Variants in NFE2L3 observed in about 807,000 individuals in gnomAD.
NFE2L3 encodes the protein NFE2 like bZIP transcription factor 3.
In NFE2L3, 18 loss-of-function variants were observed where a neutral mutation model predicts 23.5. The observed-to-expected ratio is 0.77, with a 90% CI of 0.53 to 1.13. NFE2L3 has a LOEUF of 1.13. NFE2L3 is among the 50% of genes most tolerant of loss of function. The probability of loss-of-function intolerance (pLI) is 0.00; values close to 1 mark genes in which losing one functional copy is unlikely to be tolerated. For missense variants in NFE2L3, 1,152 were observed against 877.2 expected, an observed-to-expected ratio of 1.31 and a Z score of -3.96; for synonymous variants, 424 against 354.5, an observed-to-expected ratio of 1.20 and a Z score of -2.20.
intron 1 of NFE2L3, among the ~76,000 whole-genome samples, chr7:26,176,255 C>T (rs1254897289): frequency 6.6e-6 from 1 of 152,202 alleles, no homozygotes; most frequent in African/African-American, 2.4e-5. Context: ...CCTGTGTCTA[C>T]TTCTTTCTAC....
At position 26,178,073 on chromosome 7, in the gene NFE2L3, C is replaced by T; in HGVS notation, c.701C>T (p.Ala234Val). ...AATGATGATGATGAAAACAAAATAG[C>T]AGAGAAACCTGACTGGGAGGCAGAA... Reference protein sequence around the residue: ...QQNDDDENKIAEKPDWEAEKT... With the variant: ...QQNDDDENKIVEKPDWEAEKT... The change falls in exon 2 of 4, where the codon GCA (alanine) becomes GTA (valine). Residue 234 changes from alanine to valine, a missense_variant. Coordinates refer to ENST00000056233, the MANE Select transcript of NFE2L3 (RefSeq NM_004289.7). 6.8e-6 allele frequency: 11 copies of T among 1,613,960 alleles called. No homozygotes were observed. The highest frequency in any genetic ancestry group is 9.3e-6 in the Non-Finnish European group (11 of 1,179,930).
intron 2 of NFE2L3, 127 bp from the exon 3 acceptor site, chr7:26,183,574 C>A: frequency 1.6e-6 from 1 of 640,426 alleles, no homozygotes; most frequent in Non-Finnish European, 2.8e-6. Context: ...AACTTCCAAC[C>A]AAGGAACATA....
chr7:26,154,145 C>T (rs1383141216), intron 1 of NFE2L3, among the ~76,000 whole-genome samples: 6 of 152,114 alleles, frequency 3.9e-5, no homozygotes, highest in African/African-American at 1.4e-4. Flanking sequence ...CTCGGTGATT[C>T]ACTGTTATGC....
At chr7:26,158,680 T>C (rs1784123943) in intron 1 of NFE2L3, among the ~76,000 whole-genome samples, 1 of 152,206 alleles carries the variant, frequency 6.6e-6, no homozygotes, top group South Asian at 2.1e-4. Context: ...TCTTGTATCA[T>C]TCTCCTTCTT....
In NFE2L3 at chr7:26,186,222, C is replaced by T. The variant is rs1288822122; in HGVS notation, c.*439C>T. 2 of 152,828 alleles carry T rather than the reference C, an allele frequency of 1.3e-5. No individual in the cohort carries two copies. Among genetic ancestry groups the T allele is most frequent in the East Asian group, 1.9e-4 (1 of 5,200 alleles). 9.5% of individuals were successfully genotyped at this position (152,828 alleles called of 1,614,324 possible). On this transcript the variant is annotated 3_prime_UTR_variant, in exon 4 of 4. Coordinates refer to ENST00000056233, the MANE Select transcript of NFE2L3 (RefSeq NM_004289.7). ...AGCACTATAGTGAGCTTTTCAAACA[C>T]TATTTTAATCTTTATATTTAACTTA... is the stretch of plus-strand genomic sequence containing the variant.
chr7:26,158,590 A>G (rs1784122551), intron 1 of NFE2L3, among the ~76,000 whole-genome samples: 1 of 152,190 alleles, frequency 6.6e-6, no homozygotes, highest in South Asian at 2.1e-4. Context: ...AACCCTGAGG[A>G]AGCTTGGCTC....
chr7:26,185,579 T>C lies in NFE2L3; in HGVS notation c.1881T>C (p.Cys627=), dbSNP rs769164445. The C allele has an allele frequency of 2.5e-6, 4 of 1,613,818 alleles. No homozygotes were observed. In the East Asian group the frequency reaches 6.7e-5, roughly 27 times the overall value. ...CTCTTAAGAGAGAGCAAGCACAATG[T>C]AACAAAGCTATTAACATAATGAAAC... ...KETLKREQAQ[C]NKAINIMKQK... is the part of the protein sequence containing the mutation. Residue 627 remains cysteine, a synonymous_variant, in exon 4 of 4, where the codon TGT becomes TGC. Coordinates refer to ENST00000056233, the MANE Select transcript of NFE2L3 (RefSeq NM_004289.7).
Position 26,186,064 on chromosome 7 carries a change from CT to C in NFE2L3, c.*284del, listed in dbSNP as rs770309699. 1 of 258,116 alleles carries C rather than the reference CT, an allele frequency of 3.9e-6. No homozygotes were observed. Among genetic ancestry groups the C allele is most frequent in the South Asian group, 1.4e-4 (1 of 6,966 alleles). 16.0% of individuals were successfully genotyped at this position (258,116 alleles called of 1,614,324 possible). On this transcript the variant is annotated 3_prime_UTR_variant, in exon 4 of 4. Coordinates refer to ENST00000056233, the MANE Select transcript of NFE2L3 (RefSeq NM_004289.7). ...AGGTTAACATGAAAACCCAGTAAGACTTTCCATCTTGGCAGCCATCCTTTTT... is the reference window on the plus strand; with the variant it reads ...AGGTTAACATGAAAACCCAGTAAGACTTCCATCTTGGCAGCCATCCTTTTT...
chr7:26,173,976 TTAAG>T (rs2128099047), intron 1 of NFE2L3: 1 of 152,124 alleles, frequency 6.6e-6, no homozygotes, highest in African/African-American at 2.4e-5. Flanking sequence ...TATAGAGAGA[TTAAG>T]AAAGAAAACT....
At chr7:26,175,945 G>A (rs2128099254) in intron 1 of NFE2L3, among the ~76,000 whole-genome samples, 1 of 150,044 alleles carries the variant, frequency 6.7e-6, no homozygotes, top group South Asian at 2.1e-4. Flanking sequence ...ATAGTGGAGA[G>A]AAGGTCAGCA....
At chr7:26,169,637 C>G (rs527874170) in intron 1 of NFE2L3, among the ~76,000 whole-genome samples, 1 of 152,208 alleles carries the variant, frequency 6.6e-6, no homozygotes, top group African/African-American at 2.4e-5. Flanking sequence ...TTATCACTTA[C>G]AATGCTTGTT....
chr7:26,182,819 A>G (rs1782354402), intron 2 of NFE2L3, among the ~76,000 whole-genome samples: 1 of 152,114 alleles, frequency 6.6e-6, no homozygotes, highest in Non-Finnish European at 1.5e-5. Context: ...ATTTTTTGAG[A>G]CGAGATCTCA....
chr7:26,181,733 A>AT (rs1562677864), intron 2 of NFE2L3, among the ~76,000 whole-genome samples: 1 of 152,224 alleles, frequency 6.6e-6, no homozygotes, highest in African/African-American at 2.4e-5. Flanking sequence ...CAGTGTTTAA[A>AT]TTGTTCATAG....
intron 2 of NFE2L3, among the ~76,000 whole-genome samples, chr7:26,180,775 G>GCTTC (rs1784492858): frequency 6.6e-6 from 1 of 151,972 alleles, no homozygotes; most frequent in African/African-American, 2.4e-5. Flanking sequence ...GAAGTAGGGA[G>GCTTC]CTTCCTTGGA....
chr7:26,154,396 T>G (rs1784050502), intron 1 of NFE2L3, among the ~76,000 whole-genome samples: 1 of 152,188 alleles, frequency 6.6e-6, no homozygotes, highest in African/African-American at 2.4e-5. Flanking sequence ...TGCTGGATGC[T>G]GTACCAGATG....
chr7:26,184,787 A>AT lies in NFE2L3; in HGVS notation c.1092dup (p.Leu365SerfsTer5). The AT allele has an allele frequency of 6.2e-7, 1 of 1,613,954 alleles. No individual in the cohort carries two copies. The highest frequency in any genetic ancestry group is 1.1e-5 in the South Asian group (1 of 91,074). On this transcript the variant is annotated frameshift_variant, in exon 4 of 4. Transcript: ENST00000056233. LOFTEE classifies it low-confidence loss of function (END_TRUNC). Reference sequence around the variant, plus strand: ...CCCTTCCTGGAACTAATTTGACAGGATTTCTTTCACCGGTTGACAATCATA... The same window carrying AT: ...CCCTTCCTGGAACTAATTTGACAGGATTTTCTTTCACCGGTTGACAATCATA...
chr7:26,174,543 G>GC (rs1408134620), intron 1 of NFE2L3: 1 of 152,220 alleles, frequency 6.6e-6, no homozygotes, highest in Admixed American at 6.5e-5. Context: ...GACTGATTGA[G>GC]CTAGGACTAA....
chr7:26,169,962 A>G (rs1203948218), intron 1 of NFE2L3, among the ~76,000 whole-genome samples: 1 of 152,048 alleles, frequency 6.6e-6, no homozygotes, highest in East Asian at 1.9e-4. Flanking sequence ...CTTAAGAGCT[A>G]TGCAGTCTCT....
Position 26,152,983 on chromosome 7 carries a change from G to C in NFE2L3, c.485G>C (p.Ser162Thr). ...GGGGDPRAAR[S>T]GPLDAGEEEK... ...GGCGGGGACCCCCGAGCGGCTCGGA[G>C]TGGCCCCTTGGACGCCGGGGAAGAG... Residue 162 changes from serine to threonine, a missense_variant, in exon 1 of 4, where the codon AGT (serine) becomes ACT (threonine). Physicochemically the swap from Ser to Thr is moderately conservative, Grantham distance 58. Coordinates refer to ENST00000056233, the MANE Select transcript of NFE2L3 (RefSeq NM_004289.7). The surrounding 1 kb of genome is among the most constrained non-coding windows in gnomAD (Gnocchi z 4.4). 1 of 1,513,686 alleles carries C rather than the reference G, an allele frequency of 6.6e-7. No individual in the cohort carries two copies. Among genetic ancestry groups the C allele is most frequent in the Non-Finnish European group, 8.8e-7 (1 of 1,136,780 alleles). The allele number at this position is 1,513,686 out of a possible 1,614,324, so 93.8% of individuals were successfully genotyped here.
Sources: gnomAD v4.1 joint callset for allele counts (sites outside exome capture counted in the v4.1 genomes callset) on GRCh38, gnomAD v4.1.1 for gene constraint, Gnocchi (gnomAD v3.1) non-coding constraint, MANE v1.5 for transcripts, NCBI Gene and HGNC (gene_info 2026-07-23, HGNC 2026-07-21) for gene names.